CDK14: variants seen among roughly 807,000 people sequenced by gnomAD.
CDK14 encodes the protein cyclin dependent kinase 14.
CDK14 carries 34 observed loss-of-function variants against 60.7 expected under a neutral mutation model. The observed-to-expected ratio is 0.56, with a 90% confidence interval of 0.43 to 0.75. The LOEUF is 0.75. CDK14 is among the 30% of genes least tolerant of loss of function. CDK14 has a pLI of 0.00. For missense variants in CDK14, 482 were observed against 564.1 expected, an observed-to-expected ratio of 0.85 and a Z score of 1.47; for synonymous variants, 197 against 203.7, an observed-to-expected ratio of 0.97 and a Z score of 0.28.
chr7:90,873,998 T>C (rs1791465011), intron 6 of CDK14, among the ~76,000 whole-genome samples: 2 of 152,228 alleles, frequency 1.3e-5, no homozygotes, highest in African/African-American at 2.4e-5. Context: ...TAGTGTACTG[T>C]GACTACTTTT....
intron 2 of CDK14, among the ~76,000 whole-genome samples, chr7:90,611,662 G>C (rs1021634135): frequency 2.6e-5 from 4 of 152,094 alleles, no homozygotes; most frequent in African/African-American, 9.7e-5. Flanking sequence ...CCTACGACTT[G>C]CCTCCTGCTC....
chr7:90,934,030 C>T (rs1027979691), intron 8 of CDK14, among the ~76,000 whole-genome samples: 2 of 152,268 alleles, frequency 1.3e-5, no homozygotes, highest in African/African-American at 4.8e-5. Context: ...AGCCTGCAGG[C>T]TGTGCTAGGC....
chr7:91,008,137 A>AAAAAAC (rs1796036232), intron 10 of CDK14, among the ~76,000 whole-genome samples: 1 of 143,576 alleles, frequency 7.0e-6, no homozygotes, highest in African/African-American at 2.7e-5. Context: ...CAAAAAAAAA[A>AAAAAAC]AAAAAAAACA....
At chr7:91,077,599 A>C (rs1798362693) in intron 11 of CDK14, among the ~76,000 whole-genome samples, 1 of 152,114 alleles carries the variant, frequency 6.6e-6, no homozygotes, top group Admixed American at 6.6e-5. Context: ...CCATGGCACA[A>C]GTATACCTAC....
At chr7:90,920,183 A>AT (rs1282957305) in intron 8 of CDK14, among the ~76,000 whole-genome samples, 3 of 152,256 alleles carry the variant, frequency 2.0e-5, no homozygotes, top group Admixed American at 6.5e-5. Context: ...ATCAGACAGA[A>AT]TAGGATGGTT....
At chr7:90,830,070 C>T (rs927904265) in intron 5 of CDK14, among the ~76,000 whole-genome samples, 2 of 152,194 alleles carry the variant, frequency 1.3e-5, no homozygotes, top group East Asian at 3.9e-4. Flanking sequence ...CAGCGGCCTT[C>T]TTCTCACAGC....
chr7:91,001,332 A>G lies in CDK14; in HGVS notation c.1041+17091A>G, dbSNP rs1326942775. Among the ~76,000 whole-genome samples the G allele has an allele frequency of 2.6e-5, 4 of 152,208 alleles. No individual in the cohort carries two copies. The East Asian group carries it at 7.7e-4, about 29-fold the overall frequency. On this transcript the variant is annotated intron_variant, in intron 10 of 14. Transcript: ENST00000380050. ...TGTGTGTTCTACCAAAAATAATGAA[A>G]GAAGGAAATTTAGTCCTGCTACTGA...
intron 6 of CDK14, among the ~76,000 whole-genome samples, chr7:90,870,071 G>A (rs1791317116): frequency 6.6e-6 from 1 of 152,170 alleles, no homozygotes; most frequent in African/African-American, 2.4e-5. Context: ...TATTCTAATG[G>A]CAGGTGGGTC....
rs1337814286 is a variant in CDK14, at chr7:90,729,351, T to TTTTG, written c.369+2542_369+2543insGTTT. The stretch of plus-strand genomic sequence containing the variant: ...GATCATGTAGGTATCAAGGTTTTTT[T>TTTTG]TTTTTTTTTTTTTTTTTTTTCCCCA... On this transcript the variant is annotated intron_variant, in intron 3 of 14. Transcript: ENST00000380050. 5.7e-5 allele frequency among the ~76,000 whole-genome samples: 7 copies of TTTTG among 121,852 alleles called. 1 individual carries two copies. Among genetic ancestry groups the TTTTG allele is most frequent in the Non-Finnish European group, 1.2e-4 (7 of 58,788 alleles). 79.9% of individuals were successfully genotyped at this position (121,852 alleles called of 152,430 possible).
At chr7:91,156,602 C>G (rs1456914933) in intron 14 of CDK14, among the ~76,000 whole-genome samples, 2 of 152,172 alleles carry the variant, frequency 1.3e-5, no homozygotes, top group Non-Finnish European at 2.9e-5. Context: ...CCCAACCCAT[C>G]CCCAAATCCA....
At chr7:90,868,587 T>C (rs1791265408) in intron 6 of CDK14, among the ~76,000 whole-genome samples, 1 of 152,078 alleles carries the variant, frequency 6.6e-6, no homozygotes, top group Non-Finnish European at 1.5e-5. Flanking sequence ...CCTAAACTAA[T>C]GTATAACATT....
intron 9 of CDK14, among the ~76,000 whole-genome samples, chr7:90,974,345 A>G (rs1463574586): frequency 1.3e-5 from 2 of 152,148 alleles, no homozygotes; most frequent in East Asian, 3.9e-4. Flanking sequence ...CAATCATCAC[A>G]GGGTCCTGAG....
intron 14 of CDK14, among the ~76,000 whole-genome samples, chr7:91,155,052 A>G (rs1218620749): frequency 6.6e-6 from 1 of 152,222 alleles, no homozygotes; most frequent in Non-Finnish European, 1.5e-5. Context: ...GAGGAAGGGC[A>G]TGTTGATTTG....
At chr7:91,015,071 G>A (rs1460392140) in intron 10 of CDK14, among the ~76,000 whole-genome samples, 1 of 152,060 alleles carries the variant, frequency 6.6e-6, no homozygotes, top group Non-Finnish European at 1.5e-5. Context: ...TCTGTGTAAT[G>A]TGTCATTTGA....
At position 90,680,643 on chromosome 7, in the gene CDK14, G is replaced by A. The variant is rs139034859; in HGVS notation, c.124-45924G>A. Among the ~76,000 whole-genome samples the A allele has an allele frequency of 2.1e-3, 321 of 152,298 alleles. 3 individuals carry two copies. Among genetic ancestry groups the A allele is most frequent in the Middle Eastern group, 0.02 (6 of 294 alleles). On this transcript the variant is annotated intron_variant, in intron 2 of 14. Coordinates refer to ENST00000380050, the MANE Select transcript of CDK14 (RefSeq NM_001287135.2). The stretch of plus-strand genomic sequence containing the variant: ...ATAACTTAAGGCAGTGAATAGAGTT[G>A]CATGTCTCGTTGTCATCACATATCA...
chr7:90,861,480 G>A (rs1435259607), intron 5 of CDK14, among the ~76,000 whole-genome samples: 1 of 152,134 alleles, frequency 6.6e-6, no homozygotes, highest in Non-Finnish European at 1.5e-5. Flanking sequence ...CAAATCACAA[G>A]CAAAATTATT....
intron 5 of CDK14, among the ~76,000 whole-genome samples, chr7:90,844,237 T>G (rs1256076505): frequency 3.3e-5 from 5 of 152,206 alleles, no homozygotes; most frequent in African/African-American, 7.2e-5. Context: ...GATTGGGAAT[T>G]AGGAGAGGTA....
intron 14 of CDK14, among the ~76,000 whole-genome samples, chr7:91,179,853 C>G (rs965921097): frequency 3.3e-5 from 5 of 151,816 alleles, no homozygotes; most frequent in African/African-American, 1.2e-4. Context: ...CGAATTTGTA[C>G]TATTTTGTTA....
At chr7:91,174,926 G>C (rs1801673150) in intron 14 of CDK14, among the ~76,000 whole-genome samples, 1 of 143,922 alleles carries the variant, frequency 6.9e-6, no homozygotes, top group Admixed American at 6.9e-5. Context: ...AGCAAGGAAG[G>C]CCAACATTCA....
Sources: allele counts gnomAD v4.1 joint callset (sites outside exome capture counted in the v4.1 genomes callset), GRCh38; gene constraint gnomAD v4.1.1; transcripts MANE v1.5; gene names NCBI Gene and HGNC (gene_info 2026-07-23, HGNC 2026-07-21).